QKI: variants seen among roughly 807,000 people sequenced by gnomAD.
The protein encoded by QKI is KH domain-containing RNA-binding protein QKI.
A neutral mutation model predicts 39.0 loss-of-function variants in QKI; 10 were observed. The observed-to-expected ratio is 0.26, with a 90% CI of 0.16 to 0.43. The LOEUF (loss-of-function observed/expected upper bound fraction) is 0.43. Ranked by LOEUF, QKI falls within the 20% of genes least tolerant of loss-of-function variation. The pLI is 1.00. For synonymous variants in QKI, 204 were observed against 155.4 expected (o/e 1.31, Z -2.33); for missense variants, 218 against 428.0 (o/e 0.51, Z 4.33).
intron 6 of QKI, chr6:163,566,390 C>G: frequency 4.9e-6 from 6 of 1,217,432 alleles, no homozygotes; most frequent in Non-Finnish European, 6.2e-6. Context: ...AGTAGTCCTG[C>G]TGCAAGAAAG....
Position 163,568,798 on chromosome 6 carries a change from A to G in QKI, c.1010-1896A>G, listed in dbSNP as rs544675558. ...TTACTAAAAGTAAACTCACCTCTTT[A>G]TATATATTTCAAAACTGAATTTGAA... On this transcript the variant is annotated intron_variant, in intron 7 of 7. Coordinates refer to ENST00000361752, the MANE Select transcript of QKI (RefSeq NM_006775.3). The G allele has an allele frequency of 3.1e-5, 31 of 985,232 alleles. No homozygotes were observed. In the East Asian group the frequency reaches 2.8e-3, roughly 90 times the overall value. The allele number at this position is 985,232 out of a possible 1,614,324, so 61.0% of individuals were successfully genotyped here.
chr6:163,541,498 C>CTTTT (rs34303940), intron 4 of QKI, among the ~76,000 whole-genome samples: 17 of 142,446 alleles, frequency 1.2e-4, no homozygotes, highest in African/African-American at 4.4e-4. Context: ...TATGTCTACC[C>CTTTT]TTTTTTTTTT....
intron 4 of QKI, among the ~76,000 whole-genome samples, chr6:163,560,791 TAATC>T (rs1445281904): frequency 1.3e-5 from 2 of 152,234 alleles, no homozygotes; most frequent in African/African-American, 4.8e-5. Context: ...TTTGGGCAAT[TAATC>T]TGGCCTTTGT....
At chr6:163,504,895 A>G (rs1779002313) in intron 3 of QKI, among the ~76,000 whole-genome samples, 1 of 152,138 alleles carries the variant, frequency 6.6e-6, no homozygotes, top group East Asian at 1.9e-4. Flanking sequence ...AAAAATGTTT[A>G]TTAGCTCTGA....
At chr6:163,501,882 T>G (rs547632322) in intron 3 of QKI, among the ~76,000 whole-genome samples, 1 of 152,276 alleles carries the variant, frequency 6.6e-6, no homozygotes, top group African/African-American at 2.4e-5. Context: ...GTGAAGAAAA[T>G]TAACTTTATT....
chr6:163,484,297 G>T (rs1793306345), intron 3 of QKI, among the ~76,000 whole-genome samples: 1 of 151,748 alleles, frequency 6.6e-6, no homozygotes, highest in African/African-American at 2.4e-5. Flanking sequence ...CCGCCTTCTG[G>T]GTTCGAGCAG....
At chr6:163,432,636 A>G (rs1788932367) in intron 1 of QKI, among the ~76,000 whole-genome samples, 2 of 152,124 alleles carry the variant, frequency 1.3e-5, no homozygotes, top group East Asian at 1.9e-4. Flanking sequence ...TAAGGCCTCA[A>G]GTGATCCTCC....
chr6:163,526,208 T>G (rs1000182938), intron 3 of QKI, among the ~76,000 whole-genome samples: 1 of 152,200 alleles, frequency 6.6e-6, no homozygotes, highest in African/African-American at 2.4e-5. Context: ...GATTGAAAGA[T>G]GATTATTGAA....
chr6:163,570,884 T>C lies in QKI; in HGVS notation c.*174T>C. On this transcript the variant is annotated 3_prime_UTR_variant, in exon 8 of 8. Transcript: ENST00000361752. ...ACAAAAGACAAAGAAATTGTTGTCC[T>C]CCAACTCAGCTTTTTTTTTTTTTTT... 18 of 678,460 alleles carry C rather than the reference T, an allele frequency of 2.7e-5. No homozygotes were observed. Among genetic ancestry groups the C allele is most frequent in the Middle Eastern group, 6.7e-4 (2 of 3,004 alleles). The allele number at this position is 678,460 out of a possible 1,614,324, so 42.0% of individuals were successfully genotyped here. A position where few individuals can be genotyped will look rare whatever the true frequency, so the allele number is the denominator to read the frequency against.
chr6:163,495,220 A>T (rs576697259), intron 3 of QKI, among the ~76,000 whole-genome samples: 2 of 152,122 alleles, frequency 1.3e-5, no homozygotes, highest in Admixed American at 6.6e-5. Context: ...TGGCCTAAAT[A>T]AGGTGTCTTT....
chr6:163,461,213 A>G (rs943494816), intron 2 of QKI, among the ~76,000 whole-genome samples: 9 of 152,190 alleles, frequency 5.9e-5, no homozygotes, highest in African/African-American at 1.4e-4. Context: ...TTGTGTACCA[A>G]ATATTTCATA....
At position 163,416,915 on chromosome 6, in the gene QKI, C is replaced by CAA. The variant is rs4055816; in HGVS notation, c.142+1595_142+1596dup. On this transcript the variant is annotated intron_variant, in intron 1 of 7. Coordinates refer to ENST00000361752, the MANE Select transcript of QKI (RefSeq NM_006775.3). ...GGAGGCAGAAAACTTTCTGGAATGT[C>CAA]AAAAAAAAAAAAAAAATGCTGGAAC... Among the ~76,000 whole-genome samples, 9 of 147,128 alleles carry CAA rather than the reference C, an allele frequency of 6.1e-5. No individual in the cohort carries two copies. The East Asian group carries it at 1.0e-3, about 16-fold the overall frequency.
At chr6:163,555,359 CATGA>C (rs1286767723) in intron 4 of QKI, among the ~76,000 whole-genome samples, 1 of 151,798 alleles carries the variant, frequency 6.6e-6, no homozygotes, top group Non-Finnish European at 1.5e-5. Context: ...AAATAAGCAG[CATGA>C]ATTTATAAAA....
At chr6:163,531,712 C>T (rs1342051381) in intron 3 of QKI, among the ~76,000 whole-genome samples, 1 of 152,136 alleles carries the variant, frequency 6.6e-6, no homozygotes, top group Non-Finnish European at 1.5e-5. Context: ...TGACTGTTCC[C>T]CAGGCTGGCC....
intron 3 of QKI, among the ~76,000 whole-genome samples, chr6:163,522,636 G>A (rs892291181): frequency 2.6e-5 from 4 of 152,100 alleles, no homozygotes; most frequent in Admixed American, 2.0e-4. Flanking sequence ...TATGAGTACT[G>A]GATAAGTGTT....
chr6:163,533,594 C>T (rs1232974317), intron 3 of QKI, among the ~76,000 whole-genome samples: 1 of 152,170 alleles, frequency 6.6e-6, no homozygotes, highest in East Asian at 1.9e-4. Context: ...CAACCGCTAA[C>T]AACCTAGCTT....
At chr6:163,555,317 A>G (rs1164098525) in intron 4 of QKI, among the ~76,000 whole-genome samples, 2 of 152,158 alleles carry the variant, frequency 1.3e-5, no homozygotes, top group Non-Finnish European at 2.9e-5. Context: ...AAACTGAGAT[A>G]GCACATGGCT....
intron 1 of QKI, among the ~76,000 whole-genome samples, chr6:163,446,967 T>G (rs1790201497): frequency 6.6e-6 from 1 of 152,190 alleles, no homozygotes; most frequent in African/African-American, 2.4e-5. Context: ...TAAAAAGACT[T>G]TCTTTCACAC....
chr6:163,567,432 C>T (rs1783432580), intron 7 of QKI: 2 of 985,452 alleles, frequency 2.0e-6, no homozygotes, highest in Non-Finnish European at 1.2e-6. Flanking sequence ...AAAATGGATC[C>T]TTTGATTTTT....
Sources: allele counts gnomAD v4.1 joint callset (sites outside exome capture counted in the v4.1 genomes callset), GRCh38; gene constraint gnomAD v4.1.1; transcripts MANE v1.5; gene names NCBI Gene and HGNC (gene_info 2026-07-23, HGNC 2026-07-21).